Variants in RPF1 observed in about 807,000 individuals in gnomAD.
RPF1 encodes ribosome production factor 1 homolog.
RPF1 carries 34 observed loss-of-function variants against 41.9 expected under a neutral mutation model. The ratio of observed to expected loss-of-function variants is 0.81; its 90% CI spans 0.62 to 1.08. The LOEUF (loss-of-function observed/expected upper bound fraction) is 1.08. Ranked by LOEUF, RPF1 falls within the 50% of genes least tolerant of loss-of-function variation. The pLI, the probability that RPF1 is intolerant of heterozygous loss-of-function variation, is 0.00. For synonymous variants in RPF1, 140 were observed against 148.9 expected (o/e 0.94, Z 0.43); for missense variants, 425 against 435.2 (o/e 0.98, Z 0.21).
intron 3 of RPF1, 94 bp downstream of exon 3, chr1:84,483,089 G>C (rs1357426978): frequency 1.3e-6 from 1 of 743,234 alleles, no homozygotes; most frequent in Non-Finnish European, 2.3e-6. Flanking sequence ...GGCTGGCCAA[G>C]TTGCATAATG....
At chr1:84,484,100 A>G (rs1373391297) in intron 3 of RPF1, among the ~76,000 whole-genome samples, 2 of 152,228 alleles carry the variant, frequency 1.3e-5, no homozygotes, top group Non-Finnish European at 2.9e-5. Flanking sequence ...GGAAAATAGG[A>G]TAAAGGAGAT....
At chr1:84,493,918 C>G (rs1681883506) in intron 5 of RPF1, among the ~76,000 whole-genome samples, 1 of 152,118 alleles carries the variant, frequency 6.6e-6, no homozygotes, top group African/African-American at 2.4e-5. Context: ...TAATTTGTGG[C>G]CACATTATGA....
chr1:84,486,267 T>C (rs1681734092), intron 3 of RPF1, among the ~76,000 whole-genome samples: 1 of 151,856 alleles, frequency 6.6e-6, no homozygotes, highest in Non-Finnish European at 1.5e-5. Context: ...CTTAGTGAAA[T>C]GAAGAGCCAC....
At chr1:84,479,733 G>C (rs897119107) in intron 1 of RPF1, among the ~76,000 whole-genome samples, 5 of 152,202 alleles carry the variant, frequency 3.3e-5, no homozygotes, top group African/African-American at 1.2e-4. Flanking sequence ...TATCTTGATA[G>C]GCTCTTTCCT....
chr1:84,481,268 A>G (rs1278906944), intron 2 of RPF1, among the ~76,000 whole-genome samples: 2 of 152,158 alleles, frequency 1.3e-5, no homozygotes, highest in Non-Finnish European at 2.9e-5. Flanking sequence ...GAAATTTTTG[A>G]TTATTTTTTC....
At chr1:84,486,946 A>C (rs893393581) in intron 3 of RPF1, among the ~76,000 whole-genome samples, 4 of 152,184 alleles carry the variant, frequency 2.6e-5, no homozygotes, top group African/African-American at 9.6e-5. Flanking sequence ...CATTGACTAG[A>C]TGTGGAAGAC....
At chr1:84,481,109 GT>G in intron 2 of RPF1, 97 bp downstream of exon 2, 1 of 678,972 alleles carries the variant, frequency 1.5e-6, no homozygotes, top group Non-Finnish European at 2.5e-6. Context: ...TTATTATTAC[GT>G]ATTTCAGATG....
intron 2 of RPF1, among the ~76,000 whole-genome samples, chr1:84,481,369 G>T (rs933399238): frequency 1.3e-5 from 2 of 152,194 alleles, no homozygotes; most frequent in Non-Finnish European, 2.9e-5. Context: ...TGTTTCAGAG[G>T]TCAACACCTC....
Position 84,498,034 on chromosome 1 carries a change from G to T in RPF1, c.*564G>T, listed in dbSNP as rs1681975885. On this transcript the variant is annotated 3_prime_UTR_variant, in exon 9 of 9. Transcript: ENST00000370654. Reference sequence around the variant, plus strand: ...GTTTTTTGTGCCCACGTTGTGGGGAGCTCTTTTTTACCTCATTACATGGTG... The same window carrying T: ...GTTTTTTGTGCCCACGTTGTGGGGATCTCTTTTTTACCTCATTACATGGTG... 6.6e-6 allele frequency among the ~76,000 whole-genome samples: 1 copy of T among 152,152 alleles called. No homozygotes were observed. The highest frequency in any genetic ancestry group is 1.5e-5 in the Non-Finnish European group (1 of 68,026).
At chr1:84,481,372 A>G (rs4907076) in intron 2 of RPF1, among the ~76,000 whole-genome samples, 27,441 of 152,160 alleles carry the variant, frequency 0.18, 2,558 homozygotes, top group South Asian at 0.31. Flanking sequence ...TTCAGAGGTC[A>G]ACACCTCTCC....
intron 2 of RPF1, 45 bp downstream of exon 2, chr1:84,481,057 A>G: frequency 1.9e-6 from 2 of 1,063,282 alleles, no homozygotes; most frequent in Non-Finnish European, 2.8e-6. Flanking sequence ...TATATTAGGG[A>G]ATCCCTCCTG....
At chr1:84,482,512 A>G (rs950890972) in intron 2 of RPF1, among the ~76,000 whole-genome samples, 1 of 152,314 alleles carries the variant, frequency 6.6e-6, no homozygotes, top group Non-Finnish European at 1.5e-5. Context: ...GACTTTTGTT[A>G]AATATTTCTG....
intron 5 of RPF1, among the ~76,000 whole-genome samples, chr1:84,494,233 CAGT>C (rs1681890112): frequency 6.6e-6 from 1 of 152,196 alleles, no homozygotes. Flanking sequence ...CTCACTAAGA[CAGT>C]AAGGGTAAAG....
intron 2 of RPF1, 102 bp downstream of exon 2, chr1:84,481,114 T>TA: frequency 1.5e-6 from 1 of 657,778 alleles, no homozygotes; most frequent in Admixed American, 2.7e-5. Flanking sequence ...ATTACGTATT[T>TA]CAGATGTATG....
intron 5 of RPF1, among the ~76,000 whole-genome samples, chr1:84,494,123 A>G (rs923464893): frequency 2.0e-5 from 3 of 152,178 alleles, no homozygotes; most frequent in African/African-American, 7.2e-5. Context: ...TCCAGACTTG[A>G]TTTTACAATC....
chr1:84,479,640 T>A, intron 1 of RPF1, 131 bp downstream of exon 1: 1 of 835,104 alleles, frequency 1.2e-6, no homozygotes, highest in Non-Finnish European at 1.9e-6. Flanking sequence ...AAGGGTGGCG[T>A]CGCGGCCCAC....
In RPF1 at chr1:84,479,497, G is replaced by A; in HGVS notation, c.216G>A (p.Gln72=). Residue 72 remains glutamine, a synonymous_variant, in exon 1 of 9, where the codon CAG becomes CAA. Transcript: ENST00000370654. ...RRHLMFTRWK[Q]QQRKEKLAAK... is the part of the protein sequence containing the mutation. ...ACTTAATGTTCACGCGGTGGAAACA[G>A]CAGCAGCGGAAGGTACGCGAGAGGC... is the stretch of plus-strand genomic sequence containing the variant. 6.2e-7 allele frequency: 1 copy of A among 1,614,022 alleles called. No individual in the cohort carries two copies. The highest frequency in any genetic ancestry group is 1.3e-5 in the African/African-American group (1 of 75,084).
At position 84,495,934 on chromosome 1, in the gene RPF1, T is replaced by C. The variant is rs372051660; in HGVS notation, c.752T>C (p.Phe251Ser). Residue 251 changes from phenylalanine (F) to serine (S), a missense_variant, in exon 7 of 9, where the codon TTT (phenylalanine) becomes TCT (serine). Coordinates refer to ENST00000370654, the MANE Select transcript of RPF1 (RefSeq NM_025065.7). ...ATACCTGAAATAATTCTGAATAATT[T>C]TACAACACGGCTGGGTCATTCAATT... The part of the protein sequence containing the change: ...EHIPEIILNN[F>S]TTRLGHSIGR... The C allele has an allele frequency of 6.7e-5, 108 of 1,611,146 alleles. No individual in the cohort carries two copies. Among genetic ancestry groups the C allele is most frequent in the Non-Finnish European group, 8.8e-5 (104 of 1,177,796 alleles).
chr1:84,486,108 C>T (rs935718027), intron 3 of RPF1, among the ~76,000 whole-genome samples: 3 of 152,002 alleles, frequency 2.0e-5, no homozygotes, highest in African/African-American at 4.8e-5. Context: ...AGGAGTGTAT[C>T]GAATATGCTT....
Sources: gnomAD v4.1 joint callset for allele counts (sites outside exome capture counted in the v4.1 genomes callset) on GRCh38, gnomAD v4.1.1 for gene constraint, MANE v1.5 for transcripts, NCBI Gene and HGNC (gene_info 2026-07-23, HGNC 2026-07-21) for gene names.